SH3PXD2B: variants seen among roughly 807,000 people sequenced by gnomAD.
SH3PXD2B encodes SH3 and PX domain-containing protein 2B.
Under a neutral mutation model 73.1 loss-of-function variants are expected in SH3PXD2B, and 37 were observed. That is an observed-to-expected ratio of 0.51 (90% CI 0.39 to 0.67). The LOEUF (loss-of-function observed/expected upper bound fraction) is 0.67, where lower values mean the gene tolerates loss of function less well. SH3PXD2B is among the 30% of genes least tolerant of loss of function. The probability of loss-of-function intolerance (pLI) is 0.00; values close to 1 mark genes in which losing one functional copy is unlikely to be tolerated. For missense variants in SH3PXD2B, 1,053 were observed against 1,197.8 expected, an observed-to-expected ratio of 0.88 and a Z score of 1.78; for synonymous variants, 457 against 480.5, an observed-to-expected ratio of 0.95 and a Z score of 0.64.
Position 172,333,587 on chromosome 5 carries a change from C to T in SH3PXD2B, c.*4782G>A, listed in dbSNP as rs764150906. 25 of 1,262,148 alleles carry T rather than the reference C, an allele frequency of 2.0e-5. No homozygotes were observed. Among genetic ancestry groups the T allele is most frequent in the Non-Finnish European group, 2.2e-5 (22 of 979,582 alleles). The allele number at this position is 1,262,148 out of a possible 1,614,324, so 78.2% of individuals were successfully genotyped here. A position where few individuals can be genotyped will look rare whatever the true frequency, so the allele number is the denominator to read the frequency against. On this transcript the variant is annotated 3_prime_UTR_variant, in exon 13 of 13. Transcript: ENST00000311601. ...GTCAAATGGTAAAGTATATAGCCTA[C>T]ACATGCTACAGCTAGTTGTTCTCAC...
intron 1 of SH3PXD2B, among the ~76,000 whole-genome samples, chr5:172,430,823 C>T (rs1446741308): frequency 6.6e-6 from 1 of 152,162 alleles, no homozygotes; most frequent in East Asian, 1.9e-4. Context: ...AAACCAAACC[C>T]CTGGCCAACG....
At chr5:172,367,986 T>C (rs1757565424) in intron 6 of SH3PXD2B, among the ~76,000 whole-genome samples, 1 of 152,232 alleles carries the variant, frequency 6.6e-6, no homozygotes, top group Non-Finnish European at 1.5e-5. Context: ...TTCAATTGTT[T>C]AAGTCACAAT....
At chr5:172,439,692 G>GCGCGCACACACACACACA (rs1554087696) in intron 1 of SH3PXD2B, among the ~76,000 whole-genome samples, 2 of 138,540 alleles carry the variant, frequency 1.4e-5, no homozygotes, top group African/African-American at 5.6e-5. Context: ...GCACGCGCGC[G>GCGCGCACACACACACACA]CACACACACA....
chr5:172,444,006 T>C (rs1286148672), intron 1 of SH3PXD2B, among the ~76,000 whole-genome samples: 1 of 151,916 alleles, frequency 6.6e-6, no homozygotes, highest in Non-Finnish European at 1.5e-5. Context: ...ACAGCATCCA[T>C]GTAGCAGACA....
chr5:172,439,778 C>T (rs1055679286), intron 1 of SH3PXD2B, among the ~76,000 whole-genome samples: 7 of 151,658 alleles, frequency 4.6e-5, no homozygotes, highest in Admixed American at 2.0e-4. Flanking sequence ...TCTTATCCAG[C>T]GGCATGGGCA....
chr5:172,394,718 G>C, intron 3 of SH3PXD2B, 79 bp from the exon 4 acceptor site: 2 of 1,495,302 alleles, frequency 1.3e-6, no homozygotes, highest in Non-Finnish European at 1.8e-6. Flanking sequence ...TGTGGACATG[G>C]CGGTTCCTAG....
Position 172,338,787 on chromosome 5 carries a change from C to T in SH3PXD2B, c.2318G>A (p.Arg773Lys). Residue 773 changes from arginine (R) to lysine (K), a missense_variant, in exon 13 of 13, where the codon AGG becomes AAG. Arg to Lys is a conservative substitution (Grantham distance 26). Coordinates refer to ENST00000311601, the MANE Select transcript of SH3PXD2B (RefSeq NM_001017995.3). The surrounding 1 kb of genome is among the most constrained non-coding windows in gnomAD (Gnocchi z 5.1). Reference sequence around the variant, plus strand: ...TGGACCTCTGACCTCTGGGAGCGGCCTGGATGACGAAGAGGTTTTCTTTGG... The same window carrying T: ...TGGACCTCTGACCTCTGGGAGCGGCTTGGATGACGAAGAGGTTTTCTTTGG... ...PPPKKTSSSS[R>K]PLPEVRGPQC... The T allele has an allele frequency of 6.2e-7, 1 of 1,614,166 alleles. No individual in the cohort carries two copies. The highest frequency in any genetic ancestry group is 8.5e-7 in the Non-Finnish European group (1 of 1,180,018).
At chr5:172,357,161 T>C (rs1188198357) in intron 8 of SH3PXD2B, among the ~76,000 whole-genome samples, 1 of 142,766 alleles carries the variant, frequency 7.0e-6, no homozygotes, top group Non-Finnish European at 1.5e-5. Context: ...GCAGTGCTCA[T>C]GCCTGTAATC....
At chr5:172,396,005 G>A (rs1446783256) in intron 3 of SH3PXD2B, among the ~76,000 whole-genome samples, 1 of 152,044 alleles carries the variant, frequency 6.6e-6, no homozygotes, top group Non-Finnish European at 1.5e-5. Flanking sequence ...TTTCTGGTGA[G>A]ATGGCTATCT....
intron 5 of SH3PXD2B, among the ~76,000 whole-genome samples, chr5:172,378,409 A>G (rs1757867066): frequency 1.3e-5 from 2 of 152,336 alleles, no homozygotes; most frequent in South Asian, 4.1e-4. Context: ...GTGCTCTTCC[A>G]GGAAGAGGGA....
intron 10 of SH3PXD2B, among the ~76,000 whole-genome samples, chr5:172,348,654 C>CTTATCTTAT (rs1440672001): frequency 1.6e-3 from 94 of 60,444 alleles, no homozygotes; most frequent in South Asian, 4.5e-3. Context: ...ATCTATCTAT[C>CTTATCTTAT]CTATCTATCT....
chr5:172,368,542 A>C lies in SH3PXD2B; in HGVS notation c.427+5248T>G, dbSNP rs552890489. On this transcript the variant is annotated intron_variant, in intron 6 of 12. Coordinates refer to ENST00000311601, the MANE Select transcript of SH3PXD2B (RefSeq NM_001017995.3). ...ATATATATATTATATATATATATAA[A>C]ATATATATATATTATATATATATAA... Among the ~76,000 whole-genome samples, 4 of 18,630 alleles carry C rather than the reference A, an allele frequency of 2.1e-4. 1 individual carries two copies. Among genetic ancestry groups the C allele is most frequent in the African/African-American group, 1.6e-3 (4 of 2,472 alleles). The allele number at this position is 18,630 out of a possible 152,430, so 12.2% of individuals were successfully genotyped here.
chr5:172,363,709 G>C (rs1757447353), intron 6 of SH3PXD2B, among the ~76,000 whole-genome samples: 1 of 152,160 alleles, frequency 6.6e-6, no homozygotes, highest in African/African-American at 2.4e-5. Flanking sequence ...CTGGAAGGAG[G>C]CTAGGTGAGG....
chr5:172,377,023 G>A (rs1045353334), intron 5 of SH3PXD2B, among the ~76,000 whole-genome samples: 3 of 152,164 alleles, frequency 2.0e-5, no homozygotes, highest in African/African-American at 7.2e-5. Flanking sequence ...AGCTGCCAGA[G>A]TTGCCATCCA....
Position 172,336,551 on chromosome 5 carries a change from G to A in SH3PXD2B, c.*1818C>T. The A allele has an allele frequency of 1.0e-6, 1 of 986,100 alleles. No individual in the cohort carries two copies. The highest frequency in any genetic ancestry group is 1.2e-6 in the Non-Finnish European group (1 of 830,068). 61.1% of individuals were successfully genotyped at this position (986,100 alleles called of 1,614,324 possible). A position where few individuals can be genotyped will look rare whatever the true frequency, so the allele number is the denominator to read the frequency against. On this transcript the variant is annotated 3_prime_UTR_variant, in exon 13 of 13. Transcript: ENST00000311601. ...CACGTGATAGGGGGTGGAGCTGGGA[G>A]GCGCGGCAGAAGAGGGCTGTTCAAG... is the stretch of plus-strand genomic sequence containing the variant.
chr5:172,365,268 C>T (rs562574627), intron 6 of SH3PXD2B, among the ~76,000 whole-genome samples: 18 of 152,314 alleles, frequency 1.2e-4, no homozygotes, highest in Admixed American at 7.8e-4. Flanking sequence ...GCACAGAAAC[C>T]ATCCCAACAC....
At chr5:172,398,383 C>T (rs957670067) in intron 3 of SH3PXD2B, among the ~76,000 whole-genome samples, 1 of 152,194 alleles carries the variant, frequency 6.6e-6, no homozygotes, top group African/African-American at 2.4e-5. Context: ...AGTACTTCCT[C>T]AGGGAATGCT....
chr5:172,418,361 G>C (rs923118144), intron 2 of SH3PXD2B, among the ~76,000 whole-genome samples: 1 of 152,244 alleles, frequency 6.6e-6, no homozygotes, highest in Non-Finnish European at 1.5e-5. Flanking sequence ...GAGGGGTTAA[G>C]GGGTGTGCCC....
chr5:172,348,666 T>TCTTATCTTATC (rs1757067626), intron 10 of SH3PXD2B, among the ~76,000 whole-genome samples: 2 of 40,392 alleles, frequency 5.0e-5, no homozygotes, highest in African/African-American at 1.5e-4. Context: ...TATCTATCTA[T>TCTTATCTTATC]CTATCTATCT....
Sources: gnomAD v4.1 joint callset for allele counts (sites outside exome capture counted in the v4.1 genomes callset) on GRCh38, gnomAD v4.1.1 for gene constraint, Gnocchi (gnomAD v3.1) non-coding constraint, MANE v1.5 for transcripts, NCBI Gene and HGNC (gene_info 2026-07-23, HGNC 2026-07-21) for gene names.